DLGAP2: variants seen among roughly 807,000 people sequenced by gnomAD.
DLGAP2 encodes the protein disks large-associated protein 2.
DLGAP2 carries 26 observed loss-of-function variants against 100.3 expected under a neutral mutation model. The ratio of observed to expected loss-of-function variants is 0.26; its 90% CI spans 0.19 to 0.36. The LOEUF (loss-of-function observed/expected upper bound fraction) is 0.36. DLGAP2 is among the 10% of genes least tolerant of loss of function. The probability of loss-of-function intolerance (pLI) is 1.00; values close to 1 mark genes in which losing one functional copy is unlikely to be tolerated. For synonymous variants in DLGAP2, 886 were observed against 630.1 expected, an observed-to-expected ratio of 1.41 and a Z score of -6.08; for missense variants, 1,858 against 1,453.2, an observed-to-expected ratio of 1.28 and a Z score of -4.53.
At chr8:809,351 G>T (rs1334840562) in intron 1 of DLGAP2, among the ~76,000 whole-genome samples, 1 of 151,970 alleles carries the variant, frequency 6.6e-6, no homozygotes, top group Non-Finnish European at 1.5e-5. Context: ...ACTTTGCCCA[G>T]TAATCTTTTG....
chr8:867,966 G>A (rs563286760), intron 1 of DLGAP2, among the ~76,000 whole-genome samples: 1 of 152,306 alleles, frequency 6.6e-6, no homozygotes, highest in East Asian at 1.9e-4. Flanking sequence ...TGAGGTGATA[G>A]TTTAATATTT....
chr8:1,330,758 C>G (rs552647864), intron 3 of DLGAP2, among the ~76,000 whole-genome samples: 1 of 131,726 alleles, frequency 7.6e-6, no homozygotes, highest in Non-Finnish European at 1.6e-5. Context: ...GTGGGAGCAC[C>G]GCTTCATCGG....
intron 1 of DLGAP2, among the ~76,000 whole-genome samples, chr8:897,407 C>G (rs1798163715): frequency 6.6e-6 from 1 of 152,220 alleles, no homozygotes; most frequent in African/African-American, 2.4e-5. Flanking sequence ...AGGACTTCAA[C>G]TCCAGATGAA....
rs576971953 is a variant in DLGAP2, at chr8:1,107,766, A to G, written c.74-151085A>G. ...TATTATGCCAGGGACTCTGTTCTCC[A>G]TCCCCCTCTGTGAGTTACGGCCCAT... On this transcript the variant is annotated intron_variant, in intron 2 of 14. Transcript: ENST00000637795. 3.6e-4 allele frequency among the ~76,000 whole-genome samples: 55 copies of G among 152,288 alleles called. No individual in the cohort carries two copies. In the South Asian group the frequency reaches 7.3e-3, roughly 20 times the overall value.
At chr8:1,667,031 G>A (rs1176656760) in intron 8 of DLGAP2, among the ~76,000 whole-genome samples, 1 of 152,202 alleles carries the variant, frequency 6.6e-6, no homozygotes, top group Non-Finnish European at 1.5e-5. Flanking sequence ...ACTCACCTAC[G>A]TCACAAGCAG....
chr8:848,975 T>C (rs185571317), intron 1 of DLGAP2, among the ~76,000 whole-genome samples: 148 of 122,124 alleles, frequency 1.2e-3, no homozygotes, highest in African/African-American at 2.4e-3. Flanking sequence ...CATAGGATCG[T>C]GAGGTGCCTG....
At chr8:1,120,930 T>A (rs1796026876) in intron 2 of DLGAP2, among the ~76,000 whole-genome samples, 1 of 150,928 alleles carries the variant, frequency 6.6e-6, no homozygotes, top group South Asian at 2.1e-4. Context: ...TTAGAACCCA[T>A]GACCTGCCAT....
intron 2 of DLGAP2, among the ~76,000 whole-genome samples, chr8:1,062,149 T>G (rs1419549777): frequency 6.6e-6 from 1 of 152,102 alleles, no homozygotes; most frequent in Non-Finnish European, 1.5e-5. Flanking sequence ...CTAACTCTGT[T>G]ACAAGGAAGG....
At chr8:1,104,571 G>A (rs1804691662) in intron 2 of DLGAP2, among the ~76,000 whole-genome samples, 1 of 152,198 alleles carries the variant, frequency 6.6e-6, no homozygotes, top group Admixed American at 6.5e-5. Context: ...AGGCCCGAAT[G>A]GTTTCTAGCC....
chr8:1,211,251 C>T (rs1795638685), intron 2 of DLGAP2, among the ~76,000 whole-genome samples: 1 of 152,210 alleles, frequency 6.6e-6, no homozygotes, highest in South Asian at 2.1e-4. Flanking sequence ...ATCCACCTTC[C>T]TTGATGGCAA....
intron 2 of DLGAP2, among the ~76,000 whole-genome samples, chr8:1,134,406 C>T (rs1403625504): frequency 6.6e-6 from 1 of 152,148 alleles, no homozygotes; most frequent in Non-Finnish European, 1.5e-5. Flanking sequence ...GAGGCATCAC[C>T]ACTCTGTCTT....
chr8:1,621,764 G>C (rs1018890497), intron 6 of DLGAP2: 1 of 152,300 alleles, frequency 6.6e-6, no homozygotes, highest in East Asian at 1.9e-4. Flanking sequence ...CTGCGGTCAA[G>C]GGTATGGCGT....
At chr8:1,408,733 C>G (rs969480790) in intron 3 of DLGAP2, among the ~76,000 whole-genome samples, 9 of 152,294 alleles carry the variant, frequency 5.9e-5, no homozygotes, top group South Asian at 2.1e-4. Flanking sequence ...CTGGTGAAAG[C>G]AGAACCCGGG....
At chr8:792,746 C>T (rs1795941533) in intron 1 of DLGAP2, among the ~76,000 whole-genome samples, 1 of 152,106 alleles carries the variant, frequency 6.6e-6, no homozygotes, top group Non-Finnish European at 1.5e-5. Context: ...ATAGGAGTTC[C>T]CCCATTTTGT....
At chr8:815,280 G>A (rs1475973728) in intron 1 of DLGAP2, among the ~76,000 whole-genome samples, 1 of 152,214 alleles carries the variant, frequency 6.6e-6, no homozygotes, top group Non-Finnish European at 1.5e-5. Flanking sequence ...GTCCTCTGAA[G>A]GGAGGAGCAC....
chr8:1,626,626 C>A, intron 6 of DLGAP2, 114 bp from the exon 7 acceptor site: 6 of 1,211,902 alleles, frequency 5.0e-6, no homozygotes, highest in Non-Finnish European at 6.6e-6. Flanking sequence ...GTCGTTCCCA[C>A]CTCTGCCCTG....
intron 6 of DLGAP2, among the ~76,000 whole-genome samples, chr8:1,597,379 G>GTTTTT (rs34775138): frequency 4.7e-5 from 7 of 150,162 alleles, no homozygotes; most frequent in Non-Finnish European, 8.9e-5. Context: ...ATTTAAAGTA[G>GTTTTT]TTTTTTTTTT....
intron 3 of DLGAP2, among the ~76,000 whole-genome samples, chr8:1,455,754 C>T (rs1465783197): frequency 2.0e-5 from 3 of 152,208 alleles, no homozygotes; most frequent in Non-Finnish European, 4.4e-5. Context: ...CACTTCCTGA[C>T]CCTCACCCCA....
At chr8:1,381,194 T>C (rs1796085891) in intron 3 of DLGAP2, 1 of 152,130 alleles carries the variant, frequency 6.6e-6, no homozygotes, top group Non-Finnish European at 1.5e-5. Context: ...CCCCAGGATG[T>C]CCAGAAACAA....
Sources: allele counts gnomAD v4.1 joint callset (sites outside exome capture counted in the v4.1 genomes callset), GRCh38; gene constraint gnomAD v4.1.1; transcripts MANE v1.5; gene names NCBI Gene and HGNC (gene_info 2026-07-23, HGNC 2026-07-21).